Variants in SLC6A7 observed in about 807,000 individuals in gnomAD.
SLC6A7 encodes solute carrier family 6 member 7.
A neutral mutation model predicts 73.1 loss-of-function variants in SLC6A7; 58 were observed. The observed-to-expected ratio is 0.79, with a 90% CI of 0.64 to 0.99. The LOEUF is 0.99. SLC6A7 is among the 50% of genes least tolerant of loss of function. The pLI, the probability that SLC6A7 is intolerant of heterozygous loss-of-function variation, is 0.00. For synonymous variants in SLC6A7, 338 were observed against 338.7 expected, an observed-to-expected ratio of 1.00 and a Z score of 0.02; for missense variants, 783 against 831.4, an observed-to-expected ratio of 0.94 and a Z score of 0.72.
At chr5:150,191,682 G>A (rs1280269454) in intron 1 of SLC6A7, among the ~76,000 whole-genome samples, 1 of 151,978 alleles carries the variant, frequency 6.6e-6, no homozygotes, top group African/African-American at 2.4e-5. Context: ...CGCCCGCCTC[G>A]GCCTCCCAAA....
chr5:150,196,390 G>A (rs1253457330), intron 2 of SLC6A7, among the ~76,000 whole-genome samples: 1 of 152,134 alleles, frequency 6.6e-6, no homozygotes, highest in Admixed American at 6.5e-5. Context: ...GATTCTGAAG[G>A]GTGCTGGTTT....
chr5:150,196,730 C>T lies in SLC6A7; in HGVS notation c.232C>T (p.Pro78Ser), dbSNP rs200055186. Residue 78 changes from proline (P) to serine (S), a missense_variant, in exon 3 of 14, where the codon CCC becomes TCC. Physicochemically the swap from Pro to Ser is moderately conservative, Grantham distance 74 (BLOSUM62 -1). Transcript: ENST00000230671. The stretch of plus-strand genomic sequence containing the variant: ...GCTCCCGGCAGGCGCCTTCCTCGTG[C>T]CCTACTTCCTCATGCTGGCCATCTG... The part of the protein sequence containing the change: ...YTNGGGAFLV[P>S]YFLMLAICGI... 6.2e-7 allele frequency: 1 copy of T among 1,613,698 alleles called. No individual in the cohort carries two copies. Among genetic ancestry groups the T allele is most frequent in the East Asian group, 2.2e-5 (1 of 44,876 alleles).
In SLC6A7 at chr5:150,199,262, A is replaced by G; in HGVS notation, c.619A>G (p.Ile207Val). 2 of 1,611,170 alleles carry G rather than the reference A, an allele frequency of 1.2e-6. No individual in the cohort carries two copies. Among genetic ancestry groups the G allele is most frequent in the Non-Finnish European group, 1.7e-6 (2 of 1,178,306 alleles). The change falls in exon 5 of 14, where the codon ATC becomes GTC. Residue 207 changes from isoleucine to valine, a missense_variant. Ile to Val is a conservative substitution (Grantham distance 29). Transcript: ENST00000230671. The part of the protein sequence containing the change: ...YVLHIQGSQG[I>V]GSPGEIRWNL... The stretch of plus-strand genomic sequence containing the variant: ...CCTCCACATCCAAGGCAGCCAGGGC[A>G]TCGGCAGCCCTGGGGAGATCCGCTG...
At chr5:150,199,408 G>A (rs1278391611) in intron 5 of SLC6A7, 42 bp downstream of exon 5, 7 of 1,459,648 alleles carry the variant, frequency 4.8e-6, no homozygotes, top group Admixed American at 1.7e-5. Flanking sequence ...GGCTGGATGG[G>A]GTGAAGGCTT....
chr5:150,206,331 TAC>T (rs1307437386), intron 13 of SLC6A7, among the ~76,000 whole-genome samples: 1 of 152,162 alleles, frequency 6.6e-6, no homozygotes, highest in Non-Finnish European at 1.5e-5. Flanking sequence ...ACCCACAACA[TAC>T]ACATCCCACC....
intron 1 of SLC6A7, among the ~76,000 whole-genome samples, chr5:150,193,900 T>A (rs746577171): frequency 1.3e-5 from 2 of 152,186 alleles, no homozygotes; most frequent in Non-Finnish European, 2.9e-5. Context: ...GTTCTTCCAC[T>A]CACCAACCTG....
intron 5 of SLC6A7, 109 bp downstream of exon 5, chr5:150,199,475 C>A (rs2113977157): frequency 1.3e-6 from 1 of 760,176 alleles, no homozygotes; most frequent in Non-Finnish European, 2.2e-6. Flanking sequence ...TTCAGCTGGG[C>A]AGAGGGGAAG....
intron 5 of SLC6A7, among the ~76,000 whole-genome samples, chr5:150,200,676 C>G (rs1370928279): frequency 6.6e-6 from 1 of 152,092 alleles, no homozygotes; most frequent in Non-Finnish European, 1.5e-5. Context: ...AGGTTATGGT[C>G]AAAGCCAAGG....
intron 3 of SLC6A7, 29 bp from the exon 4 acceptor site, chr5:150,197,013 G>A: frequency 1.2e-6 from 2 of 1,601,484 alleles, no homozygotes; most frequent in Non-Finnish European, 1.7e-6. Flanking sequence ...GCTTGGCCTG[G>A]GCAGCCCAGC....
intron 8 of SLC6A7, 151 bp downstream of exon 8, chr5:150,202,854 C>A (rs548243422): frequency 3.7e-6 from 3 of 804,646 alleles, no homozygotes; most frequent in Non-Finnish European, 5.7e-6. Context: ...GTGGGCGGAT[C>A]GCTTGAGGTC....
At chr5:150,197,340 GCA>G (rs1449318580) in intron 4 of SLC6A7, 64 bp downstream of exon 4, 5 of 1,098,702 alleles carry the variant, frequency 4.6e-6, no homozygotes, top group Non-Finnish European at 6.6e-6. Context: ...TGGCCAGAGG[GCA>G]TCCCCCACAG....
intron 7 of SLC6A7, 54 bp from the exon 8 acceptor site, chr5:150,202,525 A>G (rs1218900527): frequency 1.9e-6 from 3 of 1,611,098 alleles, no homozygotes; most frequent in Non-Finnish European, 2.5e-6. Context: ...AGGGCCTCAG[A>G]GGCTGAAAGG....
At chr5:150,205,434 G>T in intron 12 of SLC6A7, 22 bp from the exon 13 acceptor site, 1 of 1,571,118 alleles carries the variant, frequency 6.4e-7, no homozygotes, top group Non-Finnish European at 8.6e-7. Flanking sequence ...CCGCAGTGAT[G>T]CTGGGAGTCC....
chr5:150,208,949 C>T (rs574491875), intron 13 of SLC6A7, among the ~76,000 whole-genome samples: 6 of 152,198 alleles, frequency 3.9e-5, no homozygotes, highest in Non-Finnish European at 7.3e-5. Flanking sequence ...TTTCCAAAAG[C>T]CCCCAGCTCC....
At chr5:150,201,577 C>G (rs1753385224) in intron 6 of SLC6A7, among the ~76,000 whole-genome samples, 1 of 152,094 alleles carries the variant, frequency 6.6e-6, no homozygotes, top group Admixed American at 6.5e-5. Context: ...GCATATTATA[C>G]TTCATTTATT....
At chr5:150,195,873 C>T (rs1457500683) in intron 2 of SLC6A7, among the ~76,000 whole-genome samples, 2 of 152,180 alleles carry the variant, frequency 1.3e-5, no homozygotes, top group East Asian at 3.8e-4. Context: ...TCCCCATGTC[C>T]CTACTCTTCC....
Position 150,197,063 on chromosome 5 carries a change from T to C in SLC6A7, c.371T>C (p.Leu124Pro). The C allele has an allele frequency of 1.2e-6, 2 of 1,614,064 alleles. No individual in the cohort carries two copies. The highest frequency in any genetic ancestry group is 1.7e-6 in the Non-Finnish European group (2 of 1,179,986). The change falls in exon 4 of 14, where the codon CTC becomes CCC. Residue 124 changes from leucine (L) to proline (P), a missense_variant. Coordinates refer to ENST00000230671, the MANE Select transcript of SLC6A7 (RefSeq NM_014228.5). ...CCAGGCGCCGGCGCAGCCATGCTGC[T>C]CATCGTGGGCTTGGTGGCCATCTAC... ...LFKGAGAAML[L>P]IVGLVAIYYN...
intron 4 of SLC6A7, 39 bp from the exon 5 acceptor site, chr5:150,199,188 TG>T: frequency 6.5e-7 from 1 of 1,539,854 alleles, no homozygotes. Flanking sequence ...TGGAGCCTGG[TG>T]GGGTGACCAG....
intron 8 of SLC6A7, 52 bp downstream of exon 8, chr5:150,202,755 T>G (rs753162680): frequency 1.5e-5 from 24 of 1,598,556 alleles, no homozygotes; most frequent in African/African-American, 2.7e-5. Context: ...TGGGTAGAGA[T>G]GGGGCTGGGC....
Sources: gnomAD v4.1 joint callset for allele counts (sites outside exome capture counted in the v4.1 genomes callset) on GRCh38, gnomAD v4.1.1 for gene constraint, MANE v1.5 for transcripts, NCBI Gene and HGNC (gene_info 2026-07-23, HGNC 2026-07-21) for gene names.